FOCAD: variants seen among roughly 807,000 people sequenced by gnomAD.
FOCAD encodes the protein KIAA1797.
A neutral mutation model predicts 225.6 loss-of-function variants in FOCAD; 198 were observed. That is an observed-to-expected ratio of 0.88 (90% CI 0.78 to 0.99). The LOEUF is 0.99. Ranked by LOEUF, FOCAD falls within the 50% of genes least tolerant of loss-of-function variation. FOCAD has a pLI of 0.00. For missense variants in FOCAD, 2,713 were observed against 2,123.6 expected (o/e 1.28, Z -5.46); for synonymous variants, 897 against 755.0 (o/e 1.19, Z -3.08).
intron 11 of FOCAD, among the ~76,000 whole-genome samples, chr9:20,803,109 G>T (rs755630939): frequency 6.6e-5 from 10 of 152,000 alleles, no homozygotes; most frequent in Non-Finnish European, 1.5e-4. Context: ...AATGTTAGAG[G>T]TGCAGCTTGA....
chr9:20,795,925 T>G (rs1311575720), intron 11 of FOCAD, among the ~76,000 whole-genome samples: 1 of 151,948 alleles, frequency 6.6e-6, no homozygotes, highest in Non-Finnish European at 1.5e-5. Flanking sequence ...TAACGCGTCA[T>G]TTAACATTAG....
At chr9:20,684,107 GC>G (rs1822505205), upstream of FOCAD, 1 of 152,344 alleles carries the variant, frequency 6.6e-6, no homozygotes. Context: ...GCAGTGCGCG[GC>G]CCGGGCCTTA....
intron 5 of FOCAD, among the ~76,000 whole-genome samples, chr9:20,757,602 C>T (rs909469906): frequency 1.3e-5 from 2 of 151,984 alleles, no homozygotes; most frequent in Non-Finnish European, 2.9e-5. Context: ...AAGCGCAGAA[C>T]CATACAATGG....
chr9:20,771,597 A>G (rs1430097245), intron 8 of FOCAD, among the ~76,000 whole-genome samples: 1 of 152,116 alleles, frequency 6.6e-6, no homozygotes, highest in Non-Finnish European at 1.5e-5. Flanking sequence ...CGCCTCTACT[A>G]AAAATACAAA....
intron 2 of FOCAD, among the ~76,000 whole-genome samples, chr9:20,659,826 T>C (rs918399903): frequency 2.6e-5 from 4 of 152,160 alleles, no homozygotes; most frequent in African/African-American, 7.2e-5. Flanking sequence ...AGTTAGGATA[T>C]TGCATCAGTC....
intron 35 of FOCAD, among the ~76,000 whole-genome samples, chr9:20,961,122 G>C (rs946086147): frequency 6.6e-6 from 1 of 151,606 alleles, no homozygotes; most frequent in African/African-American, 2.4e-5. Flanking sequence ...GCGTTCTGCT[G>C]TAAGAAATGG....
At chr9:20,967,144 G>A (rs1263375025) in intron 35 of FOCAD, among the ~76,000 whole-genome samples, 2 of 152,000 alleles carry the variant, frequency 1.3e-5, no homozygotes, top group South Asian at 2.1e-4. Flanking sequence ...TTCAGTATTC[G>A]AATCTGTGAA....
chr9:20,710,458 G>A (rs941511936), intron 1 of FOCAD, among the ~76,000 whole-genome samples: 1 of 151,648 alleles, frequency 6.6e-6, no homozygotes, highest in Non-Finnish European at 1.5e-5. Context: ...TTAGCCAGGC[G>A]TGGTGGCGGG....
At chr9:20,972,550 C>A (rs924462110) in intron 35 of FOCAD, among the ~76,000 whole-genome samples, 14 of 151,676 alleles carry the variant, frequency 9.2e-5, no homozygotes, top group African/African-American at 3.2e-4. Context: ...TCTCCCTCTG[C>A]CCTCTCTTTT....
At chr9:20,889,391 CCTT>C (rs1426017960) in intron 21 of FOCAD, among the ~76,000 whole-genome samples, 2 of 152,142 alleles carry the variant, frequency 1.3e-5, no homozygotes, top group African/African-American at 2.4e-5. Flanking sequence ...TAATGGATCT[CCTT>C]CTGTGTTTTC....
intron 11 of FOCAD, among the ~76,000 whole-genome samples, chr9:20,800,280 A>T (rs573262511): frequency 6.6e-6 from 1 of 151,760 alleles, no homozygotes; most frequent in African/African-American, 2.4e-5. Context: ...TTCCCTTAAC[A>T]TTTTTTCCTT....
At chr9:20,659,092 C>A (rs556014355) in intron 2 of FOCAD, among the ~76,000 whole-genome samples, 1 of 151,976 alleles carries the variant, frequency 6.6e-6, no homozygotes, top group East Asian at 1.9e-4. Context: ...TGGTGGTGTG[C>A]GCCTGTAGTC....
chr9:20,801,004 G>A (rs1019536345), intron 11 of FOCAD, among the ~76,000 whole-genome samples: 2 of 152,044 alleles, frequency 1.3e-5, no homozygotes, highest in African/African-American at 4.8e-5. Context: ...CTTTGATGAT[G>A]GTGAAGTACA....
chr9:20,894,360 G>T (rs981580433), intron 21 of FOCAD, among the ~76,000 whole-genome samples: 1 of 152,108 alleles, frequency 6.6e-6, no homozygotes, highest in Non-Finnish European at 1.5e-5. Context: ...AATTTTGTTT[G>T]AAGATAATTT....
intron 5 of FOCAD, among the ~76,000 whole-genome samples, chr9:20,740,663 C>A (rs1053107595): frequency 7.2e-5 from 11 of 152,192 alleles, no homozygotes; most frequent in Non-Finnish European, 1.0e-4. Flanking sequence ...CTTCATTGAA[C>A]AAAGATATTT....
chr9:20,778,749 G>A lies in FOCAD; in HGVS notation c.975G>A (p.Gln325=). ...TTCTACAGACTCCAGCAAGTCAGCA[G>A]AAGCCAATCTTAAATCTAGGTAAAT... The part of the protein sequence containing the change: ...LLLLQTPASQ[Q]KPILNLALKL... Residue 325 remains glutamine, a synonymous_variant, in exon 9 of 44, where the codon CAG becomes CAA. Coordinates refer to ENST00000338382, the MANE Select transcript of FOCAD (RefSeq NM_001375567.1). The A allele has an allele frequency of 6.2e-7, 1 of 1,607,968 alleles. No individual in the cohort carries two copies. Among genetic ancestry groups the A allele is most frequent in the East Asian group, 2.2e-5 (1 of 44,844 alleles).
In FOCAD at chr9:20,916,894, G is replaced by T; in HGVS notation, c.2809G>T (p.Val937Phe). 6.2e-7 allele frequency: 1 copy of T among 1,605,714 alleles called. No homozygotes were observed. Among genetic ancestry groups the T allele is most frequent in the Non-Finnish European group, 8.5e-7 (1 of 1,177,122 alleles). Reference protein sequence around the residue: ...QYKKSTAWLWVRDMLTDEITK... With the variant: ...QYKKSTAWLWFRDMLTDEITK... ...GTCTATTTTCCATCTTTATTGCAGGGTTAGAGACATGCTGACTGATGAGAT... is the reference window on the plus strand; with the variant it reads ...GTCTATTTTCCATCTTTATTGCAGGTTTAGAGACATGCTGACTGATGAGAT... Residue 937 changes from valine (V) to phenylalanine (F), a missense_variant and splice_region_variant, in exon 24 of 44, where the codon GTT becomes TTT. By Grantham distance (50) the Val-to-Phe change is conservative. Transcript: ENST00000338382.
intron 5 of FOCAD, among the ~76,000 whole-genome samples, chr9:20,750,090 T>G (rs939557306): frequency 6.6e-6 from 1 of 152,168 alleles, no homozygotes; most frequent in Non-Finnish European, 1.5e-5. Context: ...TTCCTCTGCT[T>G]TTTTCTTCTC....
intron 15 of FOCAD, among the ~76,000 whole-genome samples, chr9:20,858,057 T>TTG (rs1828380119): frequency 6.6e-6 from 1 of 151,954 alleles, no homozygotes; most frequent in African/African-American, 2.4e-5. Context: ...TTCTCTTTTT[T>TTG]TTGTTATATC....
Sources: allele counts gnomAD v4.1 joint callset (sites outside exome capture counted in the v4.1 genomes callset), GRCh38; gene constraint gnomAD v4.1.1; transcripts MANE v1.5; gene names NCBI Gene and HGNC (gene_info 2026-07-23, HGNC 2026-07-21).